The following WDR59 variants were observed in gnomAD, a reference collection of about 807,000 sequenced individuals.
WDR59 encodes the protein WD repeat domain 59.
In WDR59, 100 loss-of-function variants were observed where a neutral mutation model predicts 131.2. The observed-to-expected ratio is 0.76, with a 90% CI of 0.65 to 0.90. WDR59 has a LOEUF of 0.90. Ranked by LOEUF, WDR59 falls within the 40% of genes least tolerant of loss-of-function variation. The probability of loss-of-function intolerance (pLI) is 0.00; values close to 1 mark genes in which losing one functional copy is unlikely to be tolerated. For missense variants in WDR59, 1,203 were observed against 1,262.2 expected (o/e 0.95, Z 0.71); for synonymous variants, 601 against 466.2 (o/e 1.29, Z -3.72).
chr16:74,956,721 C>T (rs2033310683), intron 2 of WDR59, 111 bp from the exon 3 acceptor site: 1 of 1,329,876 alleles, frequency 7.5e-7, no homozygotes, highest in East Asian at 2.4e-5. Flanking sequence ...CTCCAAAAAA[C>T]CCAAACACAC....
chr16:74,976,545 G>C (rs569635802), intron 1 of WDR59, among the ~76,000 whole-genome samples: 1 of 151,360 alleles, frequency 6.6e-6, no homozygotes, highest in Non-Finnish European at 1.5e-5. Flanking sequence ...GGGTTCGAGC[G>C]ATTCTCCTGC....
Position 74,872,560 on chromosome 16 carries a change from T to C in WDR59, c.*1649A>G, listed in dbSNP as rs375125082. The stretch of plus-strand genomic sequence containing the variant: ...GGGTGACAGAGTGAGACCCTGTCTC[T>C]CTCTCTAAAAAAAAAAAAAAAAAAT... On this transcript the variant is annotated 3_prime_UTR_variant, in exon 26 of 26. Transcript: ENST00000262144. 8 of 144,344 alleles carry C rather than the reference T, an allele frequency of 5.5e-5. No individual in the cohort carries two copies. Among genetic ancestry groups the C allele is most frequent in the African/African-American group, 1.3e-4 (5 of 38,834 alleles). The allele number at this position is 144,344 out of a possible 1,614,324, so 8.9% of individuals were successfully genotyped here.
chr16:74,881,772 C>T (rs1045026483), intron 25 of WDR59, among the ~76,000 whole-genome samples: 2 of 149,788 alleles, frequency 1.3e-5, no homozygotes, highest in African/African-American at 4.9e-5. Flanking sequence ...ACTCAGGAGG[C>T]TGAGGTAGGA....
chr16:74,948,414 A>C, intron 6 of WDR59, 105 bp downstream of exon 6: 1 of 1,068,022 alleles, frequency 9.4e-7, no homozygotes, highest in Non-Finnish European at 1.4e-6. Context: ...AGAGGCAGTT[A>C]GAGAGGGAGA....
intron 11 of WDR59, among the ~76,000 whole-genome samples, chr16:74,917,458 C>G (rs1966446685): frequency 1.3e-5 from 2 of 152,094 alleles, no homozygotes; most frequent in Non-Finnish European, 2.9e-5. Flanking sequence ...TTCTTAAAGA[C>G]CTCAAAGCCT....
At chr16:74,943,702 T>C (rs569251336) in intron 6 of WDR59, among the ~76,000 whole-genome samples, 2 of 152,330 alleles carry the variant, frequency 1.3e-5, no homozygotes, top group South Asian at 2.1e-4. Flanking sequence ...CTGTGACACC[T>C]GTCCCTCTGC....
chr16:74,894,209 T>C (rs1041931225), intron 18 of WDR59, among the ~76,000 whole-genome samples: 2 of 152,228 alleles, frequency 1.3e-5, no homozygotes, highest in Admixed American at 6.5e-5. Context: ...ATTTTTTTCC[T>C]TAGGCAGTTT....
chr16:74,920,068 CAAAAA>C (rs71378717), intron 10 of WDR59, among the ~76,000 whole-genome samples: 35 of 120,872 alleles, frequency 2.9e-4, no homozygotes, highest in Middle Eastern at 4.3e-3. Flanking sequence ...GACCCTATCT[CAAAAA>C]AAAAAAAAAA....
intron 1 of WDR59, among the ~76,000 whole-genome samples, chr16:74,979,838 C>CT (rs56943510): frequency 6.9e-4 from 42 of 60,506 alleles, no homozygotes; most frequent in East Asian, 2.3e-3. Flanking sequence ...CACACCCGGC[C>CT]TTTTTTTTTT....
chr16:74,911,930 A>G (rs944897880), intron 14 of WDR59: 3 of 547,770 alleles, frequency 5.5e-6, no homozygotes, highest in Non-Finnish European at 9.7e-6. Context: ...ATCATATGCA[A>G]TCATTGTGCA....
At chr16:74,890,457 G>A (rs1964983089) in intron 20 of WDR59, among the ~76,000 whole-genome samples, 1 of 152,020 alleles carries the variant, frequency 6.6e-6, no homozygotes, top group African/African-American at 2.4e-5. Flanking sequence ...GGCCTCACAT[G>A]ACTTTTTAAA....
At chr16:74,913,354 C>T (rs887325836) in intron 13 of WDR59, among the ~76,000 whole-genome samples, 1 of 151,974 alleles carries the variant, frequency 6.6e-6, no homozygotes, top group African/African-American at 2.4e-5. Flanking sequence ...GCAACCTCCA[C>T]CTTCTGGGTT....
intron 2 of WDR59, among the ~76,000 whole-genome samples, chr16:74,961,144 A>T (rs1187721310): frequency 3.7e-5 from 3 of 80,390 alleles, no homozygotes; most frequent in Non-Finnish European, 9.3e-5. Context: ...TGTCTCTACA[A>T]AAAAAAAAAA....
chr16:74,916,226 C>T lies in WDR59; in HGVS notation c.1000G>A (p.Glu334Lys), dbSNP rs1375625065. Residue 334 changes from glutamate (E) to lysine (K), a missense_variant, in exon 12 of 26, where the codon GAG becomes AAG. Coordinates refer to ENST00000262144, the MANE Select transcript of WDR59 (RefSeq NM_030581.4). ...AGAAGGGAAATACTCTCAATGAACTCATCAACACCATCTAATATGTCATTT... is the reference window on the plus strand; with the variant it reads ...AGAAGGGAAATACTCTCAATGAACTTATCAACACCATCTAATATGTCATTT... ...CANDILDGVD[E>K]FIESISLLPE... 2 of 1,614,080 alleles carry T rather than the reference C, an allele frequency of 1.2e-6. No individual in the cohort carries two copies. Among genetic ancestry groups the T allele is most frequent in the South Asian group, 2.2e-5 (2 of 91,082 alleles).
intron 1 of WDR59, among the ~76,000 whole-genome samples, chr16:74,969,349 T>C (rs1004169269): frequency 2.6e-5 from 4 of 151,628 alleles, no homozygotes; most frequent in African/African-American, 9.7e-5. Context: ...CTTGGCTCAC[T>C]GCAACCTCCA....
chr16:74,984,793 T>C lies in WDR59; in HGVS notation c.54+171A>G, dbSNP rs377664438. ...CCATGCTCGCCCCGATTGCCCCCGA[T>C]GGTCGTCTTCCCTCCCCCGACGGGG... On this transcript the variant is annotated intron_variant, in intron 1 of 25. Transcript: ENST00000262144. 3.1e-5 allele frequency: 27 copies of C among 873,684 alleles called. No individual in the cohort carries two copies. In the South Asian group the frequency reaches 4.3e-4, roughly 14 times the overall value. The allele number at this position is 873,684 out of a possible 1,614,324, so 54.1% of individuals were successfully genotyped here. A position where few individuals can be genotyped will look rare whatever the true frequency, so the allele number is the denominator to read the frequency against.
chr16:74,902,552 C>T (rs571897033), intron 18 of WDR59, among the ~76,000 whole-genome samples: 15 of 151,980 alleles, frequency 9.9e-5, no homozygotes, highest in Non-Finnish European at 1.9e-4. Flanking sequence ...GTGAAAATTA[C>T]GAGTCAATCT....
At position 74,917,984 on chromosome 16, in the gene WDR59, G is replaced by A. The variant is rs948167361; in HGVS notation, c.911C>T (p.Thr304Met). ...KEGSKDYQLV[T>M]WSRDQTLRMW... Reference sequence around the variant, plus strand: ...TCTCAAGGTCTGATCCCGGGACCACGTCACCAGTTGATAGTCCTTGGACCC... The same window carrying A: ...TCTCAAGGTCTGATCCCGGGACCACATCACCAGTTGATAGTCCTTGGACCC... Residue 304 changes from threonine (T) to methionine (M), a missense_variant, in exon 11 of 26, where the codon ACG becomes ATG. Thr to Met is a moderately conservative substitution (Grantham distance 81). Transcript: ENST00000262144. 5.0e-6 allele frequency: 8 copies of A among 1,613,808 alleles called. No individual in the cohort carries two copies. Among genetic ancestry groups the A allele is most frequent in the African/African-American group, 1.3e-5 (1 of 74,870 alleles).
At chr16:74,880,631 A>G (rs1199726376) in intron 25 of WDR59, among the ~76,000 whole-genome samples, 1 of 152,160 alleles carries the variant, frequency 6.6e-6, no homozygotes, top group Non-Finnish European at 1.5e-5. Flanking sequence ...AGAAACACTG[A>G]CTACCCTGAG....
Sources: allele counts gnomAD v4.1 joint callset (sites outside exome capture counted in the v4.1 genomes callset), GRCh38; gene constraint gnomAD v4.1.1; transcripts MANE v1.5; gene names NCBI Gene and HGNC (gene_info 2026-07-23, HGNC 2026-07-21).